The following PTPRD variants were observed in gnomAD, a reference collection of about 807,000 sequenced individuals.
The protein encoded by PTPRD is protein tyrosine phosphatase receptor type D, also known as receptor-type tyrosine-protein phosphatase delta.
Under a neutral mutation model 214.5 loss-of-function variants are expected in PTPRD, and 34 were observed. The observed-to-expected ratio is 0.16, with a 90% CI of 0.12 to 0.21. The LOEUF is 0.21. Ranked by LOEUF, PTPRD falls within the 10% of genes least tolerant of loss-of-function variation. The probability of loss-of-function intolerance (pLI) is 1.00; values close to 1 mark genes in which losing one functional copy is unlikely to be tolerated. For synonymous variants in PTPRD, 1,128 were observed against 845.7 expected, an observed-to-expected ratio of 1.33 and a Z score of -5.79; for missense variants, 2,545 against 2,398.7, an observed-to-expected ratio of 1.06 and a Z score of -1.27.
At chr9:10,015,500 G>C (rs1454535313) in intron 4 of PTPRD, among the ~76,000 whole-genome samples, 1 of 152,116 alleles carries the variant, frequency 6.6e-6, no homozygotes, top group Non-Finnish European at 1.5e-5. Flanking sequence ...TGACAATTGA[G>C]CTCTGAGGCT....
At chr9:9,927,753 T>C (rs1236714318) in intron 5 of PTPRD, among the ~76,000 whole-genome samples, 2 of 152,180 alleles carry the variant, frequency 1.3e-5, no homozygotes, top group Admixed American at 6.5e-5. Flanking sequence ...TTAATATTGT[T>C]TGAAATATTG....
chr9:9,954,496 T>C (rs937252271), intron 4 of PTPRD, among the ~76,000 whole-genome samples: 8 of 152,044 alleles, frequency 5.3e-5, no homozygotes, highest in African/African-American at 1.7e-4. Flanking sequence ...ATAAGAACAT[T>C]ACTTATAAAA....
intron 5 of PTPRD, among the ~76,000 whole-genome samples, chr9:9,778,787 C>A (rs1190691080): frequency 6.6e-6 from 1 of 151,940 alleles, no homozygotes; most frequent in Non-Finnish European, 1.5e-5. Flanking sequence ...CAGGCTATGG[C>A]ACAAAGTATG....
intron 4 of PTPRD, among the ~76,000 whole-genome samples, chr9:9,972,645 T>C (rs2095171941): frequency 6.6e-6 from 1 of 152,186 alleles, no homozygotes; most frequent in African/African-American, 2.4e-5. Flanking sequence ...AAATCCAATA[T>C]CAACCTCACT....
chr9:9,943,626 A>G (rs1233290548), intron 4 of PTPRD, among the ~76,000 whole-genome samples: 1 of 140,742 alleles, frequency 7.1e-6, no homozygotes, highest in East Asian at 2.3e-4. Context: ...TGGCTGTTAG[A>G]TGGCGATATT....
At chr9:9,906,152 A>G (rs2077516725) in intron 5 of PTPRD, among the ~76,000 whole-genome samples, 1 of 151,990 alleles carries the variant, frequency 6.6e-6, no homozygotes, top group African/African-American at 2.4e-5. Flanking sequence ...ATGGGGGAAG[A>G]AGAGAGTGTC....
intron 12 of PTPRD, among the ~76,000 whole-genome samples, chr9:8,637,615 T>G (rs1245080408): frequency 6.6e-6 from 1 of 152,196 alleles, no homozygotes; most frequent in Non-Finnish European, 1.5e-5. Context: ...TTTAAAAAAC[T>G]TACTTATTTT....
chr9:10,127,972 T>C (rs2098832171), intron 3 of PTPRD, among the ~76,000 whole-genome samples: 1 of 152,134 alleles, frequency 6.6e-6, no homozygotes, highest in South Asian at 2.1e-4. Flanking sequence ...TTTTTATCCA[T>C]TTTATATTAT....
At chr9:9,006,267 TG>T (rs1474724764) in intron 11 of PTPRD, among the ~76,000 whole-genome samples, 3 of 152,032 alleles carry the variant, frequency 2.0e-5, no homozygotes, top group Non-Finnish European at 4.4e-5. Context: ...CTATGTTAGA[TG>T]GGCTATGAGA....
chr9:9,298,950 A>G (rs1019985646), intron 9 of PTPRD, among the ~76,000 whole-genome samples: 5 of 151,820 alleles, frequency 3.3e-5, no homozygotes, highest in East Asian at 1.9e-4. Flanking sequence ...ATTTTTCTTA[A>G]TATAAAAGAC....
intron 7 of PTPRD, among the ~76,000 whole-genome samples, chr9:9,686,235 T>C (rs2097164856): frequency 6.6e-6 from 1 of 151,438 alleles, no homozygotes; most frequent in Non-Finnish European, 1.5e-5. Context: ...TACTGTATTC[T>C]ACCAATTTTA....
At chr9:8,459,767 T>C (rs1217982204) in intron 33 of PTPRD, among the ~76,000 whole-genome samples, 1 of 152,092 alleles carries the variant, frequency 6.6e-6, no homozygotes, top group Non-Finnish European at 1.5e-5. Context: ...AGACTGAGAT[T>C]ATATTTTTTA....
chr9:10,294,472 A>G (rs1285984814), intron 3 of PTPRD, among the ~76,000 whole-genome samples: 1 of 151,798 alleles, frequency 6.6e-6, no homozygotes, highest in African/African-American at 2.4e-5. Context: ...AATCAAGTCA[A>G]CTCAAAAGCC....
chr9:9,098,097 A>T (rs7024862), intron 10 of PTPRD, among the ~76,000 whole-genome samples: 18,034 of 151,796 alleles, frequency 0.12, 1,287 homozygotes, highest in East Asian at 0.23. Flanking sequence ...ATTTTGTGTA[A>T]TTATAAAAAA....
intron 3 of PTPRD, among the ~76,000 whole-genome samples, chr9:10,047,059 T>C (rs1163701981): frequency 6.6e-6 from 1 of 152,000 alleles, no homozygotes; most frequent in Non-Finnish European, 1.5e-5. Flanking sequence ...TTTTTCTATC[T>C]TGTATGACAA....
At chr9:9,186,183 G>A (rs1156467056) in intron 9 of PTPRD, among the ~76,000 whole-genome samples, 1 of 152,008 alleles carries the variant, frequency 6.6e-6, no homozygotes, top group Non-Finnish European at 1.5e-5. Flanking sequence ...GGCTCAAGAA[G>A]GCAGACCCTA....
At chr9:9,737,675 A>G (rs139378017) in intron 6 of PTPRD, among the ~76,000 whole-genome samples, 2 of 152,328 alleles carry the variant, frequency 1.3e-5, no homozygotes, top group African/African-American at 4.8e-5. Flanking sequence ...ATAGTACTTT[A>G]TTCCTTATGT....
At chr9:9,875,662 A>T (rs562446549) in intron 5 of PTPRD, among the ~76,000 whole-genome samples, 28 of 152,172 alleles carry the variant, frequency 1.8e-4, no homozygotes, top group Non-Finnish European at 3.8e-4. Flanking sequence ...TCTGAAACCT[A>T]GTACTTAGTA....
chr9:9,475,900 A>C (rs2094995749), intron 8 of PTPRD, among the ~76,000 whole-genome samples: 1 of 152,128 alleles, frequency 6.6e-6, no homozygotes, highest in African/African-American at 2.4e-5. Flanking sequence ...TTATATATAA[A>C]CTGCTACCTC....
Sources: allele counts gnomAD v4.1 joint callset (sites outside exome capture counted in the v4.1 genomes callset), GRCh38; gene constraint gnomAD v4.1.1; transcripts MANE v1.5; gene names NCBI Gene and HGNC (gene_info 2026-07-23, HGNC 2026-07-21).